ADGRF5: variants seen among roughly 807,000 people sequenced by gnomAD.
ADGRF5 encodes the protein adhesion G protein-coupled receptor F5, also known as G-protein coupled receptor 116.
ADGRF5 carries 75 observed loss-of-function variants against 132.3 expected under a neutral mutation model. The observed-to-expected ratio is 0.57, with a 90% CI of 0.47 to 0.69. The LOEUF (loss-of-function observed/expected upper bound fraction) is 0.69. Among genes scored for constraint, ADGRF5 ranks in the 30% least tolerant of loss-of-function variants. The pLI, the probability that ADGRF5 is intolerant of heterozygous loss-of-function variation, is 0.00. For synonymous variants in ADGRF5, 629 were observed against 597.6 expected (o/e 1.05, Z -0.77); for missense variants, 1,516 against 1,630.6 (o/e 0.93, Z 1.21).
At chr6:46,948,101 C>T (rs1478329513) in intron 1 of ADGRF5, among the ~76,000 whole-genome samples, 1 of 152,122 alleles carries the variant, frequency 6.6e-6, no homozygotes, top group Non-Finnish European at 1.5e-5. Context: ...AGTGACCTTC[C>T]CCAGGAGTAG....
At chr6:46,939,169 C>G (rs1777962523) in intron 1 of ADGRF5, among the ~76,000 whole-genome samples, 1 of 152,234 alleles carries the variant, frequency 6.6e-6, no homozygotes, top group Non-Finnish European at 1.5e-5. Flanking sequence ...CACGCCCAGC[C>G]TTTTCTGATT....
Position 46,857,735 on chromosome 6 carries a change from AAGGTCTCTATC to A in ADGRF5, c.3774+383_3774+393del, listed in dbSNP as rs374687109. On this transcript the variant is annotated intron_variant, in intron 17 of 20. Coordinates refer to ENST00000283296, the MANE Select transcript of ADGRF5 (RefSeq NM_001098518.2). ...GATTATTGAGAACCTACTCTGTACC[AAGGTCTCTATC>A]AGGCATAGAGGTATAGTGATGAACA... is the stretch of plus-strand genomic sequence containing the variant. Among the ~76,000 whole-genome samples, 282 of 152,160 alleles carry A rather than the reference AAGGTCTCTATC, an allele frequency of 1.9e-3. 1 individual carries two copies. Among genetic ancestry groups the A allele is most frequent in the African/African-American group, 6.3e-3 (263 of 41,520 alleles).
intron 1 of ADGRF5, among the ~76,000 whole-genome samples, chr6:46,911,413 G>C (rs895427281): frequency 3.3e-5 from 5 of 152,224 alleles, no homozygotes; most frequent in African/African-American, 4.8e-5. Flanking sequence ...AGGGACAGGA[G>C]TAATTACTGT....
intron 3 of ADGRF5, among the ~76,000 whole-genome samples, chr6:46,893,058 AT>A (rs35014340): frequency 0.081 from 7,013 of 86,264 alleles, 181 homozygotes; most frequent in South Asian, 0.15. Flanking sequence ...GACAACAGGG[AT>A]TTTTTTTTTT....
chr6:46,926,485 G>C (rs930398133), upstream of ADGRF5, among the ~76,000 whole-genome samples: 3 of 138,120 alleles, frequency 2.2e-5, no homozygotes, highest in South Asian at 2.8e-4. Flanking sequence ...TCGGGTGAGG[G>C]GGGGGGCAGT....
At chr6:46,894,840 T>C (rs1346973636) in intron 3 of ADGRF5, among the ~76,000 whole-genome samples, 1 of 152,228 alleles carries the variant, frequency 6.6e-6, no homozygotes, top group African/African-American at 2.4e-5. Flanking sequence ...ATCATAAATA[T>C]AATGATTATA....
intron 1 of ADGRF5, among the ~76,000 whole-genome samples, chr6:46,954,225 A>G (rs1561847430): frequency 6.6e-6 from 1 of 150,902 alleles, no homozygotes; most frequent in Non-Finnish European, 1.5e-5. Flanking sequence ...GAAGTCCACC[A>G]GATCCCTGAA....
intron 1 of ADGRF5, among the ~76,000 whole-genome samples, chr6:46,950,943 C>A (rs1582092896): frequency 6.6e-6 from 1 of 152,202 alleles, no homozygotes; most frequent in African/African-American, 2.4e-5. Flanking sequence ...TTGTTCAAGA[C>A]AGGAGATTAA....
intron 11 of ADGRF5, among the ~76,000 whole-genome samples, chr6:46,870,456 G>A (rs1297591563): frequency 6.6e-6 from 1 of 152,086 alleles, no homozygotes; most frequent in East Asian, 1.9e-4. Context: ...CACCATGCCT[G>A]GCCTAAAAAT....
At chr6:46,877,241 TTC>T (rs1491377387) in intron 10 of ADGRF5, among the ~76,000 whole-genome samples, 2 of 29,466 alleles carry the variant, frequency 6.8e-5, no homozygotes, top group African/African-American at 4.3e-4. Context: ...CTTTCTTTCT[TTC>T]TTTCTTTCTT....
intron 10 of ADGRF5, among the ~76,000 whole-genome samples, chr6:46,875,374 G>A (rs1771539524): frequency 6.6e-6 from 1 of 152,188 alleles, no homozygotes; most frequent in Admixed American, 6.5e-5. Context: ...CAATTTTGTT[G>A]TTCAAAATTA....
chr6:46,921,141 T>A (rs220718), intron 1 of ADGRF5, among the ~76,000 whole-genome samples: 1 of 152,164 alleles, frequency 6.6e-6, no homozygotes, highest in Non-Finnish European at 1.5e-5. Flanking sequence ...TCCTTCCTAA[T>A]GCTGACTACA....
upstream of ADGRF5, among the ~76,000 whole-genome samples, chr6:46,924,935 A>G (rs116104571): frequency 5.0e-3 from 768 of 152,262 alleles, 14 homozygotes; most frequent in African/African-American, 0.017. Context: ...AGCCATCACT[A>G]TCTCTTGACT....
In ADGRF5 at chr6:46,884,231, C is replaced by T. The variant is rs755314705; in HGVS notation, c.369G>A (p.Glu123=). The change falls in exon 5 of 21, where the codon GAG becomes GAA. Residue 123 remains glutamate, a synonymous_variant. Coordinates refer to ENST00000283296, the MANE Select transcript of ADGRF5 (RefSeq NM_001098518.2). ...TTTCCCGAGGCCACCCATAACCTGT[C>T]TCGCAGGAGCACCAGATTTCATTTC... ...PAGNEIWCSC[E]TGYGWPRERC... The T allele has an allele frequency of 1.3e-4, 209 of 1,613,870 alleles. No homozygotes were observed. The highest frequency in any genetic ancestry group is 1.7e-4 in the Non-Finnish European group (202 of 1,179,872).
chr6:46,867,883 G>A (rs1197742195), intron 12 of ADGRF5, among the ~76,000 whole-genome samples: 1 of 152,090 alleles, frequency 6.6e-6, no homozygotes, highest in East Asian at 1.9e-4. Flanking sequence ...ACTGATTATG[G>A]GACTGTTTAA....
chr6:46,875,290 C>A (rs927634160), intron 10 of ADGRF5, among the ~76,000 whole-genome samples: 2 of 152,114 alleles, frequency 1.3e-5, no homozygotes, highest in African/African-American at 4.8e-5. Flanking sequence ...CAACCAGGAG[C>A]CCTGCATGGG....
At chr6:46,886,133 T>C (rs1024061147) in intron 4 of ADGRF5, among the ~76,000 whole-genome samples, 8 of 152,218 alleles carry the variant, frequency 5.3e-5, no homozygotes, top group South Asian at 2.1e-4. Context: ...GTCACATCTT[T>C]GGGAGCTGTT....
intron 3 of ADGRF5, 117 bp from the exon 4 acceptor site, chr6:46,888,622 A>G: frequency 1.4e-6 from 1 of 696,254 alleles, no homozygotes; most frequent in Non-Finnish European, 2.5e-6. Context: ...TTGGTCTATC[A>G]ACCCTTAGGA....
At chr6:46,857,582 G>A (rs629276) in intron 17 of ADGRF5, among the ~76,000 whole-genome samples, 127,179 of 152,130 alleles carry the variant, frequency 0.84, 54,958 homozygotes, top group East Asian at 0.99. Flanking sequence ...GCAGGAGAGC[G>A]AAGAAGATGT....
Sources: gnomAD v4.1 joint callset for allele counts (sites outside exome capture counted in the v4.1 genomes callset) on GRCh38, gnomAD v4.1.1 for gene constraint, MANE v1.5 for transcripts, NCBI Gene and HGNC (gene_info 2026-07-23, HGNC 2026-07-21) for gene names.